The following EPSTI1 variants were observed in gnomAD, a reference collection of about 807,000 sequenced individuals.
EPSTI1 encodes the protein epithelial stromal interaction 1, also known as epithelial-stromal interaction protein 1.
A neutral mutation model predicts 49.9 loss-of-function variants in EPSTI1; 66 were observed. That is an observed-to-expected ratio of 1.32 (90% CI 1.08 to 1.62). The LOEUF is 1.62. Among genes scored for constraint, EPSTI1 ranks in the 40% most tolerant of loss-of-function variants. The probability of loss-of-function intolerance (pLI) is 0.00; values close to 1 mark genes in which losing one functional copy is unlikely to be tolerated. For synonymous variants in EPSTI1, 137 were observed against 130.7 expected (o/e 1.05, Z -0.33); for missense variants, 394 against 365.5 (o/e 1.08, Z -0.64).
At chr13:42,900,954 C>T (rs2037336103) in intron 8 of EPSTI1, among the ~76,000 whole-genome samples, 1 of 152,142 alleles carries the variant, frequency 6.6e-6, no homozygotes, top group Admixed American at 6.5e-5. Context: ...ATATAAATCA[C>T]ATTATTATAA....
chr13:42,954,369 A>T (rs1314569558), intron 5 of EPSTI1, among the ~76,000 whole-genome samples: 2 of 152,264 alleles, frequency 1.3e-5, no homozygotes, highest in Non-Finnish European at 2.9e-5. Flanking sequence ...CATACCAAGT[A>T]TGTTAAATTA....
chr13:42,983,561 C>T (rs1417805209), intron 1 of EPSTI1, among the ~76,000 whole-genome samples: 3 of 38,710 alleles, frequency 7.7e-5, no homozygotes, highest in African/African-American at 4.5e-4. Context: ...GAGACTCCAT[C>T]TCAAAAAAAA....
intron 8 of EPSTI1, among the ~76,000 whole-genome samples, chr13:42,914,057 T>G (rs1436596267): frequency 2.0e-5 from 3 of 152,218 alleles, no homozygotes; most frequent in Non-Finnish European, 4.4e-5. Flanking sequence ...GTTTTCTGTA[T>G]AGCCTGTAGA....
intron 1 of EPSTI1, among the ~76,000 whole-genome samples, chr13:42,983,668 AT>A (rs2040029123): frequency 6.6e-6 from 1 of 151,688 alleles, no homozygotes; most frequent in Non-Finnish European, 1.5e-5. Context: ...AAGATCCAAA[AT>A]TTGGTAGATA....
chr13:42,918,859 T>C (rs1017415709), intron 7 of EPSTI1, among the ~76,000 whole-genome samples: 5 of 152,126 alleles, frequency 3.3e-5, no homozygotes, highest in Non-Finnish European at 7.3e-5. Context: ...TTTTTATCTC[T>C]GACAACCCCT....
At chr13:42,894,918 C>A in intron 10 of EPSTI1, 91 bp downstream of exon 10, 3 of 1,120,082 alleles carry the variant, frequency 2.7e-6, no homozygotes, top group Non-Finnish European at 3.8e-6. Context: ...AACGTAATAT[C>A]TGGGGAGAAG....
At chr13:42,937,194 A>G (rs949913003) in intron 6 of EPSTI1, among the ~76,000 whole-genome samples, 33 of 148,040 alleles carry the variant, frequency 2.2e-4, no homozygotes, top group African/African-American at 7.0e-4. Context: ...AAAAATGTAC[A>G]CTTTAATTTA....
intron 7 of EPSTI1, chr13:42,919,377 T>C: frequency 6.3e-7 from 1 of 1,580,464 alleles, no homozygotes; most frequent in Non-Finnish European, 8.7e-7. Context: ...ACTATTTTTC[T>C]TAGCTCTAAA....
chr13:42,981,184 T>C (rs2039980976), intron 1 of EPSTI1, among the ~76,000 whole-genome samples: 1 of 152,222 alleles, frequency 6.6e-6, no homozygotes, highest in Admixed American at 6.5e-5. Context: ...GATTCTCTGA[T>C]ATAGAATAGA....
intron 1 of EPSTI1, among the ~76,000 whole-genome samples, chr13:42,980,583 A>C (rs193232458): frequency 6.6e-6 from 1 of 152,312 alleles, no homozygotes; most frequent in Admixed American, 6.5e-5. Context: ...AGGAAAAAAC[A>C]GCCCCCATAA....
rs2037320391 is a variant in EPSTI1 at position 42,900,350 on chromosome 13, C to T, written c.775G>A (p.Glu259Lys). The change falls in exon 9 of 11, where the codon GAG (glutamate) becomes AAG (lysine). Residue 259 changes from glutamate to lysine, a missense_variant. Physicochemically the swap from Glu to Lys is moderately conservative, Grantham distance 56. Coordinates refer to ENST00000313624, the MANE Select transcript of EPSTI1 (RefSeq NM_033255.5). ...ELLELKRQQQ[E>K]QERAKIHQTE... Reference sequence around the variant, plus strand: ...TGGTGGATTTTGGCTCTTTCTTGCTCTTGCTGCTGCCGTTTCAGTTCCAGT... The same window carrying T: ...TGGTGGATTTTGGCTCTTTCTTGCTTTTGCTGCTGCCGTTTCAGTTCCAGT... 1 of 1,613,750 alleles carries T rather than the reference C, an allele frequency of 6.2e-7. No individual in the cohort carries two copies. Among genetic ancestry groups the T allele is most frequent in the Non-Finnish European group, 8.5e-7 (1 of 1,179,774 alleles).
chr13:42,913,968 T>C (rs4941446), intron 8 of EPSTI1, among the ~76,000 whole-genome samples: 19,650 of 152,220 alleles, frequency 0.13, 1,578 homozygotes, highest in East Asian at 0.29. Flanking sequence ...CTCTCTCTCC[T>C]GTTGGCCATG....
intron 3 of EPSTI1, among the ~76,000 whole-genome samples, chr13:42,965,579 A>G (rs1566165267): frequency 6.6e-6 from 1 of 152,238 alleles, no homozygotes; most frequent in Non-Finnish European, 1.5e-5. Flanking sequence ...ATCTGAGGAA[A>G]GATGTCATTC....
At position 42,978,806 on chromosome 13, in the gene EPSTI1, A is replaced by G. The variant is rs994088349; in HGVS notation, c.189-8136T>C. ...ATAACATATATGACATCTATTTTAT[A>G]TGTAACAACTTAGCCCTGAATCACT... On this transcript the variant is annotated intron_variant, in intron 1 of 10. Transcript: ENST00000313624. Among the ~76,000 whole-genome samples the G allele has an allele frequency of 3.9e-5, 6 of 152,334 alleles. No individual in the cohort carries two copies. The East Asian group carries it at 9.6e-4, about 24-fold the overall frequency.
At chr13:42,972,689 G>A (rs2039795218) in intron 1 of EPSTI1, among the ~76,000 whole-genome samples, 2 of 152,200 alleles carry the variant, frequency 1.3e-5, no homozygotes, top group South Asian at 4.2e-4. Context: ...CACTTATTAT[G>A]GATTTATTGT....
chr13:42,974,142 C>A (rs2039826436), intron 1 of EPSTI1, among the ~76,000 whole-genome samples: 1 of 149,974 alleles, frequency 6.7e-6, no homozygotes, highest in African/African-American at 2.5e-5. Context: ...TCAAGACCAG[C>A]CTGGCCAACA....
At chr13:42,928,467 G>GTAT (rs1268748304) in intron 6 of EPSTI1, among the ~76,000 whole-genome samples, 1 of 152,144 alleles carries the variant, frequency 6.6e-6, no homozygotes. Context: ...GGGGTTCTTG[G>GTAT]TATTATCACT....
chr13:42,968,135 A>G (rs1383751962), intron 3 of EPSTI1, among the ~76,000 whole-genome samples: 1 of 152,164 alleles, frequency 6.6e-6, no homozygotes, highest in Non-Finnish European at 1.5e-5. Context: ...CACATAGCCA[A>G]TCTCAGGGGC....
intron 3 of EPSTI1, among the ~76,000 whole-genome samples, chr13:42,965,535 T>C (rs939545403): frequency 6.6e-6 from 1 of 152,160 alleles, no homozygotes. Context: ...CTTCAGCCTA[T>C]AAAAGAGGTT....
Sources: allele counts gnomAD v4.1 joint callset (sites outside exome capture counted in the v4.1 genomes callset), GRCh38; gene constraint gnomAD v4.1.1; transcripts MANE v1.5; gene names NCBI Gene and HGNC (gene_info 2026-07-23, HGNC 2026-07-21).